KLHL1: variants seen among roughly 807,000 people sequenced by gnomAD.
KLHL1 encodes kelch like family member 1, also known as kelch-like protein 1.
A neutral mutation model predicts 77.7 loss-of-function variants in KLHL1; 47 were observed. That is an observed-to-expected ratio of 0.60 (90% CI 0.48 to 0.77). The LOEUF is 0.77. Ranked by LOEUF, KLHL1 falls within the 30% of genes least tolerant of loss-of-function variation. The pLI, the probability that KLHL1 is intolerant of heterozygous loss-of-function variation, is 0.00. For missense variants in KLHL1, 925 were observed against 910.8 expected (o/e 1.02, Z -0.20); for synonymous variants, 360 against 325.2 (o/e 1.11, Z -1.15).
chr13:69,784,815 C>T (rs1229739497), intron 7 of KLHL1, among the ~76,000 whole-genome samples: 1 of 151,026 alleles, frequency 6.6e-6, no homozygotes, highest in Non-Finnish European at 1.5e-5. Context: ...GAATTGAACT[C>T]AGCTCTGCAC....
chr13:69,852,819 T>C (rs1283221908), intron 5 of KLHL1, among the ~76,000 whole-genome samples: 2 of 151,964 alleles, frequency 1.3e-5, no homozygotes, highest in African/African-American at 4.8e-5. Flanking sequence ...AAAGTTTAGG[T>C]ATGAAATGAG....
chr13:69,953,079 A>G (rs1267958565), intron 3 of KLHL1, among the ~76,000 whole-genome samples: 2 of 151,362 alleles, frequency 1.3e-5, no homozygotes, highest in Admixed American at 6.6e-5. Context: ...ATTTGCATGG[A>G]AAGTTCTTGA....
chr13:69,710,899 G>C (rs1001874450), intron 9 of KLHL1, among the ~76,000 whole-genome samples: 2 of 151,824 alleles, frequency 1.3e-5, no homozygotes, highest in Non-Finnish European at 2.9e-5. Flanking sequence ...TGGCCTTCCT[G>C]GTCAGAGTGT....
intron 1 of KLHL1, among the ~76,000 whole-genome samples, chr13:70,023,020 G>A (rs572838148): frequency 1.8e-4 from 27 of 151,948 alleles, no homozygotes; most frequent in South Asian, 1.0e-3. Flanking sequence ...CTCTTAAAGC[G>A]TTCCTCTGGT....
chr13:69,853,365 T>G (rs1237781221), intron 5 of KLHL1, among the ~76,000 whole-genome samples: 1 of 152,020 alleles, frequency 6.6e-6, no homozygotes, highest in Non-Finnish European at 1.5e-5. Flanking sequence ...TGCCACCATA[T>G]GAAGAAGGAT....
chr13:69,947,015 TTG>T (rs1428877858), intron 3 of KLHL1, among the ~76,000 whole-genome samples: 1 of 145,030 alleles, frequency 6.9e-6, no homozygotes, highest in East Asian at 2.1e-4. Context: ...CCATACAAAA[TTG>T]TGTGTGTGTG....
intron 9 of KLHL1, among the ~76,000 whole-genome samples, chr13:69,709,093 A>G (rs1053228796): frequency 6.6e-6 from 1 of 151,994 alleles, no homozygotes; most frequent in Non-Finnish European, 1.5e-5. Context: ...TGATGTGTAA[A>G]ATGAGGCGCT....
At chr13:69,745,353 A>G (rs960274691) in intron 7 of KLHL1, among the ~76,000 whole-genome samples, 5 of 152,076 alleles carry the variant, frequency 3.3e-5, no homozygotes, top group African/African-American at 9.6e-5. Context: ...CTTGTAATCA[A>G]TTTTAAATAT....
At chr13:69,779,328 T>TCTTC (rs111574350) in intron 7 of KLHL1, among the ~76,000 whole-genome samples, 18,784 of 148,986 alleles carry the variant, frequency 0.13, 1,414 homozygotes, top group African/African-American at 0.21. Flanking sequence ...TTAAAAAAGG[T>TCTTC]CTTCCTTCCT....
chr13:70,006,708 G>A (rs915086897), intron 1 of KLHL1, among the ~76,000 whole-genome samples: 3 of 151,614 alleles, frequency 2.0e-5, no homozygotes, highest in Non-Finnish European at 4.4e-5. Flanking sequence ...CCAGTTTTAG[G>A]GAGAAAGATC....
chr13:69,932,467 G>C (rs963071760), intron 4 of KLHL1, among the ~76,000 whole-genome samples: 2 of 151,780 alleles, frequency 1.3e-5, no homozygotes, highest in East Asian at 1.9e-4. Flanking sequence ...TTCTTATCCA[G>C]AAGGGAATAC....
chr13:69,968,790 C>T (rs551318307), intron 2 of KLHL1, among the ~76,000 whole-genome samples: 84 of 151,930 alleles, frequency 5.5e-4, no homozygotes, highest in Admixed American at 3.9e-4. Context: ...GGTGTATATG[C>T]GCCACATTTT....
At chr13:69,702,196 T>A (rs1302223610) in intron 10 of KLHL1, among the ~76,000 whole-genome samples, 2 of 151,714 alleles carry the variant, frequency 1.3e-5, no homozygotes, top group Non-Finnish European at 3.0e-5. Context: ...TTTAATGTGT[T>A]ATTCATTCAC....
At chr13:69,935,234 C>CTA (rs1450333394) in intron 4 of KLHL1, among the ~76,000 whole-genome samples, 64 of 148,004 alleles carry the variant, frequency 4.3e-4, no homozygotes, top group African/African-American at 1.5e-3. Flanking sequence ...CATAGTTCAC[C>CTA]CACTGGTGAA....
intron 5 of KLHL1, among the ~76,000 whole-genome samples, chr13:69,875,778 ATTAT>A (rs1187986041): frequency 1.3e-5 from 2 of 152,206 alleles, no homozygotes; most frequent in African/African-American, 4.8e-5. Flanking sequence ...TCTTAGAAGC[ATTAT>A]TTATTGTCTA....
chr13:69,961,387 A>G lies in KLHL1; in HGVS notation c.738T>C (p.Cys246=). 6.2e-7 allele frequency: 1 copy of G among 1,613,142 alleles called. No homozygotes were observed. Among genetic ancestry groups the G allele is most frequent in the Non-Finnish European group, 8.5e-7 (1 of 1,179,432 alleles). The change falls in exon 3 of 11, where the codon TGT becomes TGC. Residue 246 remains cysteine (C), a synonymous_variant. Transcript: ENST00000377844. ...YFAAMFTSDV[C]EAKQEEIKME... ...TTTTGATCTCCTCTTGCTTGGCTTC[A>G]CAAACATCACTTGTAAACATGGCCG...
chr13:69,911,657 G>A (rs1468197638), intron 4 of KLHL1, among the ~76,000 whole-genome samples: 2 of 151,456 alleles, frequency 1.3e-5, no homozygotes, highest in Non-Finnish European at 2.9e-5. Context: ...TGAATCTTCT[G>A]TGCACTAAGG....
intron 7 of KLHL1, among the ~76,000 whole-genome samples, chr13:69,781,290 T>TCTTTC (rs1566244961): frequency 1.6e-5 from 2 of 121,646 alleles, no homozygotes; most frequent in African/African-American, 6.1e-5. Context: ...TCTTTCTTTT[T>TCTTTC]TTTTTTTTTT....
chr13:70,102,922 T>G (rs1314004005), intron 1 of KLHL1, among the ~76,000 whole-genome samples: 1 of 152,206 alleles, frequency 6.6e-6, no homozygotes, highest in Admixed American at 6.6e-5. Flanking sequence ...AAGGGTAGAA[T>G]GATGAGTAAA....
Sources: allele counts gnomAD v4.1 joint callset (sites outside exome capture counted in the v4.1 genomes callset), GRCh38; gene constraint gnomAD v4.1.1; transcripts MANE v1.5; gene names NCBI Gene and HGNC (gene_info 2026-07-23, HGNC 2026-07-21).